EPHA6: variants seen among roughly 807,000 people sequenced by gnomAD.
The protein encoded by EPHA6 is EPH receptor A6, also known as ephrin type-A receptor 6.
Under a neutral mutation model 112.0 loss-of-function variants are expected in EPHA6, and 50 were observed. That is an observed-to-expected ratio of 0.45 (90% CI 0.36 to 0.56). The LOEUF is 0.56. EPHA6 is among the 20% of genes least tolerant of loss of function. EPHA6 has a pLI of 0.00. For missense variants in EPHA6, 1,280 were observed against 1,417.4 expected (o/e 0.90, Z 1.56); for synonymous variants, 529 against 490.7 (o/e 1.08, Z -1.03).
intron 5 of EPHA6, among the ~76,000 whole-genome samples, chr3:97,308,173 A>G (rs2081399304): frequency 1.3e-5 from 2 of 151,482 alleles, no homozygotes; most frequent in African/African-American, 4.8e-5. Flanking sequence ...TTCTAATTCC[A>G]CTAATTTCCT....
intron 3 of EPHA6, among the ~76,000 whole-genome samples, chr3:97,031,918 A>G (rs1350001025): frequency 6.6e-6 from 1 of 152,160 alleles, no homozygotes; most frequent in East Asian, 1.9e-4. Context: ...AACTAGAAAT[A>G]CCATTTGACC....
At chr3:97,287,308 A>G (rs751788524) in intron 5 of EPHA6, among the ~76,000 whole-genome samples, 1 of 152,024 alleles carries the variant, frequency 6.6e-6, no homozygotes, top group Non-Finnish European at 1.5e-5. Context: ...GGAAAGGCTT[A>G]GCTTCTCTGA....
chr3:97,648,599 A>G, intron 14 of EPHA6: 1 of 1,155,598 alleles, frequency 8.7e-7, no homozygotes, highest in African/African-American at 1.6e-5. Flanking sequence ...AAGTACTTTC[A>G]TTAACATGAG....
At chr3:97,022,559 T>G (rs2044499087) in intron 3 of EPHA6, among the ~76,000 whole-genome samples, 2 of 152,208 alleles carry the variant, frequency 1.3e-5, no homozygotes, top group African/African-American at 4.8e-5. Flanking sequence ...CACTTCTAGA[T>G]GCCAGCTCCA....
intron 14 of EPHA6, among the ~76,000 whole-genome samples, chr3:97,656,601 G>C (rs371865823): frequency 6.6e-6 from 1 of 151,700 alleles, no homozygotes; most frequent in East Asian, 1.9e-4. Flanking sequence ...TTCATTTACT[G>C]TATTTTCCTA....
chr3:97,082,684 C>G (rs1442968340), intron 3 of EPHA6, among the ~76,000 whole-genome samples: 1 of 151,810 alleles, frequency 6.6e-6, no homozygotes, highest in African/African-American at 2.4e-5. Context: ...ATCTGCCAGT[C>G]TCTTAGAAGA....
intron 5 of EPHA6, among the ~76,000 whole-genome samples, chr3:97,307,417 G>A (rs754033309): frequency 6.6e-6 from 1 of 151,754 alleles, no homozygotes; most frequent in Non-Finnish European, 1.5e-5. Context: ...CTATGAGGAA[G>A]ATGATGATAA....
intron 10 of EPHA6, among the ~76,000 whole-genome samples, chr3:97,503,248 G>A (rs1351955088): frequency 2.0e-5 from 3 of 151,996 alleles, no homozygotes; most frequent in African/African-American, 4.8e-5. Context: ...CCCTGCAAAG[G>A]AAATTTCAGA....
At chr3:97,346,787 T>C (rs1254440814) in intron 5 of EPHA6, among the ~76,000 whole-genome samples, 1 of 152,006 alleles carries the variant, frequency 6.6e-6, no homozygotes, top group African/African-American at 2.4e-5. Context: ...GTCATGGACA[T>C]TATCATGGAG....
intron 3 of EPHA6, among the ~76,000 whole-genome samples, chr3:97,063,164 CAG>C (rs2108128940): frequency 6.6e-6 from 1 of 152,140 alleles, no homozygotes; most frequent in South Asian, 2.1e-4. Context: ...GACCTAGAGA[CAG>C]AAATATCATT....
At chr3:97,228,308 C>T (rs1473334326) in intron 4 of EPHA6, among the ~76,000 whole-genome samples, 1 of 152,088 alleles carries the variant, frequency 6.6e-6, no homozygotes. Flanking sequence ...TCTTTTATCA[C>T]TCACTACCCT....
rs1380405692 is a variant in EPHA6 at position 96,948,116 on chromosome 3, T to C, written c.451-39214T>C. 3.9e-5 allele frequency among the ~76,000 whole-genome samples: 6 copies of C among 152,246 alleles called. No homozygotes were observed. The South Asian group carries it at 1.0e-3, about 26-fold the overall frequency. On this transcript the variant is annotated intron_variant, in intron 2 of 17. Coordinates refer to ENST00000389672, the MANE Select transcript of EPHA6 (RefSeq NM_001080448.3). The stretch of plus-strand genomic sequence containing the variant: ...GTATTTTGGATATTTTCCCCAACTA[T>C]TTTTAAATAAGTATGAAGGCAAAAA...
chr3:97,172,775 T>C (rs968957660), intron 3 of EPHA6, among the ~76,000 whole-genome samples: 1 of 151,990 alleles, frequency 6.6e-6, no homozygotes, highest in Non-Finnish European at 1.5e-5. Flanking sequence ...TATCAGTATC[T>C]CAACTGGCTT....
At chr3:97,199,493 A>G (rs2077525002) in intron 3 of EPHA6, among the ~76,000 whole-genome samples, 2 of 152,124 alleles carry the variant, frequency 1.3e-5, no homozygotes, top group African/African-American at 4.8e-5. Flanking sequence ...AAAGTTCTTC[A>G]GGTAATTCTG....
intron 5 of EPHA6, among the ~76,000 whole-genome samples, chr3:97,387,305 G>A (rs2109044612): frequency 6.8e-6 from 1 of 148,012 alleles, no homozygotes; most frequent in African/African-American, 2.5e-5. Context: ...TTAAATAATA[G>A]TTACAATTCA....
At chr3:97,474,262 T>A (rs1453651230) in intron 7 of EPHA6, among the ~76,000 whole-genome samples, 1 of 151,952 alleles carries the variant, frequency 6.6e-6, no homozygotes, top group Non-Finnish European at 1.5e-5. Flanking sequence ...CTCAGTTATA[T>A]ACTTTATTTG....
chr3:97,492,363 TA>T (rs918774931), intron 10 of EPHA6, among the ~76,000 whole-genome samples: 1 of 150,452 alleles, frequency 6.6e-6, no homozygotes, highest in Non-Finnish European at 1.5e-5. Context: ...GCCAACGTGG[TA>T]AAACCCAGTC....
intron 5 of EPHA6, among the ~76,000 whole-genome samples, chr3:97,385,145 T>C (rs1053171188): frequency 2.0e-5 from 3 of 152,206 alleles, no homozygotes; most frequent in Non-Finnish European, 4.4e-5. Flanking sequence ...AAATCTATAA[T>C]TTATTCTTTT....
In EPHA6 at chr3:97,453,851, A is replaced by G. The variant is rs145075641; in HGVS notation, c.1894+5121A>G. ...TATGTTTCGGTTTCTTCCTCCCAAT[A>G]CATTTTTATGTCCCCATTTGATGAA... On this transcript the variant is annotated intron_variant, in intron 7 of 17. Transcript: ENST00000389672. 8.2e-3 allele frequency among the ~76,000 whole-genome samples: 1,252 copies of G among 151,808 alleles called. 14 individuals carry two copies. The highest frequency in any genetic ancestry group is 0.027 in the African/African-American group (1,115 of 41,530).
Sources: allele counts gnomAD v4.1 joint callset (sites outside exome capture counted in the v4.1 genomes callset), GRCh38; gene constraint gnomAD v4.1.1; transcripts MANE v1.5; gene names NCBI Gene and HGNC (gene_info 2026-07-23, HGNC 2026-07-21).